The following SLC30A9 variants were observed in gnomAD, a reference collection of about 807,000 sequenced individuals.
SLC30A9 encodes proton-coupled zinc antiporter SLC30A9, mitochondrial.
In SLC30A9, 58 loss-of-function variants were observed where a neutral mutation model predicts 87.5. The ratio of observed to expected loss-of-function variants is 0.66; its 90% confidence interval spans 0.54 to 0.82. SLC30A9 has a LOEUF of 0.82. Ranked by LOEUF, SLC30A9 falls within the 40% of genes least tolerant of loss-of-function variation. SLC30A9 has a pLI of 0.00. For synonymous variants in SLC30A9, 234 were observed against 233.0 expected (o/e 1.00, Z -0.04); for missense variants, 557 against 679.1 (o/e 0.82, Z 2.00).
At chr4:42,053,134 A>C (rs1717452069) in intron 9 of SLC30A9, among the ~76,000 whole-genome samples, 1 of 152,216 alleles carries the variant, frequency 6.6e-6, no homozygotes, top group African/African-American at 2.4e-5. Flanking sequence ...ACCGTTAATG[A>C]TCAGGAAATG....
chr4:42,041,942 G>C (rs1027201197), intron 8 of SLC30A9, among the ~76,000 whole-genome samples: 3 of 152,160 alleles, frequency 2.0e-5, no homozygotes, highest in Non-Finnish European at 4.4e-5. Context: ...TGCCTCACCG[G>C]GGTAGTGCAA....
chr4:42,083,283 T>TA (rs1370137074), intron 17 of SLC30A9, among the ~76,000 whole-genome samples: 3 of 152,230 alleles, frequency 2.0e-5, no homozygotes, highest in Non-Finnish European at 2.9e-5. Flanking sequence ...AGTATTGGAA[T>TA]AAAATCCTCA....
chr4:42,071,088 A>T (rs866110563), intron 15 of SLC30A9, among the ~76,000 whole-genome samples: 26 of 152,092 alleles, frequency 1.7e-4, no homozygotes, highest in African/African-American at 4.8e-4. Context: ...TACCAAATTA[A>T]ATATAATTTA....
At chr4:42,031,362 G>A (rs1716429595) in intron 6 of SLC30A9, among the ~76,000 whole-genome samples, 1 of 152,022 alleles carries the variant, frequency 6.6e-6, no homozygotes, top group South Asian at 2.1e-4. Flanking sequence ...CAAGTGCAGA[G>A]GAAATTTACA....
At chr4:41,992,875 A>C (rs2153131812) in intron 1 of SLC30A9, among the ~76,000 whole-genome samples, 1 of 152,276 alleles carries the variant, frequency 6.6e-6, no homozygotes, top group Admixed American at 6.5e-5. Context: ...CTTTTGGAGA[A>C]AGAAAATCTA....
At chr4:42,062,922 G>A (rs1717921605) in intron 10 of SLC30A9, 64 bp from the exon 11 acceptor site, 2 of 1,379,934 alleles carry the variant, frequency 1.4e-6, no homozygotes, top group Non-Finnish European at 2.0e-6. Context: ...GACCTATTAA[G>A]CACATATATT....
chr4:42,044,386 C>CAAAAAAAAAAA (rs57572080), intron 8 of SLC30A9, among the ~76,000 whole-genome samples: 22 of 98,708 alleles, frequency 2.2e-4, no homozygotes, highest in African/African-American at 9.2e-4. Context: ...AAATGGAAAG[C>CAAAAAAAAAAA]AAAAAAAAAA....
chr4:41,993,199 T>G (rs1189274698), intron 1 of SLC30A9, among the ~76,000 whole-genome samples: 1 of 150,538 alleles, frequency 6.6e-6, no homozygotes, highest in Non-Finnish European at 1.5e-5. Context: ...TATATAAAAT[T>G]TAATACTATT....
At chr4:42,037,931 C>T (rs942413080) in intron 7 of SLC30A9, among the ~76,000 whole-genome samples, 4 of 152,042 alleles carry the variant, frequency 2.6e-5, no homozygotes, top group African/African-American at 4.8e-5. Context: ...CTACCACAGC[C>T]GGCTGATTTT....
Position 42,020,423 on chromosome 4 carries a change from A to C in SLC30A9, c.342A>C (p.Ala114=), listed in dbSNP as rs1485209598. ...KQEPLQVRVK[A]VLKKREYGSK... ...TTCCTGTTTTTTGTTTAGTTAAAGC[A>C]GTCCTTAAGAAAAGGGAGTATGGCT... The change falls in exon 4 of 18, where the codon GCA becomes GCC. Residue 114 remains alanine, a synonymous_variant. Coordinates refer to ENST00000264451, the MANE Select transcript of SLC30A9 (RefSeq NM_006345.4). The C allele has an allele frequency of 6.7e-7, 1 of 1,495,152 alleles. No homozygotes were observed. Among genetic ancestry groups the C allele is most frequent in the East Asian group, 2.3e-5 (1 of 43,290 alleles). 92.6% of individuals were successfully genotyped at this position (1,495,152 alleles called of 1,614,324 possible). A position where few individuals can be genotyped will look rare whatever the true frequency, so the allele number is the denominator to read the frequency against.
At chr4:42,027,961 A>G (rs1238475915) in intron 6 of SLC30A9, among the ~76,000 whole-genome samples, 1 of 152,220 alleles carries the variant, frequency 6.6e-6, no homozygotes, top group East Asian at 1.9e-4. Context: ...GTAGTCAATT[A>G]AAAAGCAAGG....
chr4:42,017,375 GT>G (rs61558035), intron 2 of SLC30A9, among the ~76,000 whole-genome samples: 6,987 of 138,552 alleles, frequency 0.05, 499 homozygotes, highest in African/African-American at 0.17. Context: ...TTTTTTCTCT[GT>G]TTTTTTTTTT....
chr4:42,055,365 A>C (rs1313835061), intron 9 of SLC30A9, among the ~76,000 whole-genome samples: 3 of 145,914 alleles, frequency 2.1e-5, no homozygotes, highest in Non-Finnish European at 4.5e-5. Flanking sequence ...TGTGTCTCTA[A>C]TTATAATGTA....
At chr4:42,026,327 A>G (rs1716189341) in intron 6 of SLC30A9, among the ~76,000 whole-genome samples, 1 of 152,296 alleles carries the variant, frequency 6.6e-6, no homozygotes, top group East Asian at 1.9e-4. Flanking sequence ...GGCATATTCC[A>G]TTGGGGAATT....
At chr4:42,001,902 G>A in intron 2 of SLC30A9, 122 bp downstream of exon 2, 1 of 605,042 alleles carries the variant, frequency 1.7e-6, no homozygotes, top group Non-Finnish European at 2.8e-6. Flanking sequence ...TGTTTTCTTT[G>A]TGGGAACTAT....
intron 2 of SLC30A9, among the ~76,000 whole-genome samples, chr4:42,011,484 T>TTCAAACTGGCAATATGAGA (rs1715440947): frequency 6.6e-6 from 1 of 152,108 alleles, no homozygotes; most frequent in African/African-American, 2.4e-5. Flanking sequence ...GGGAAGGAAT[T>TTCAAACTGGCAATATGAGA]TCAAACTGGC....
chr4:42,020,257 A>G (rs1411063332), intron 3 of SLC30A9, among the ~76,000 whole-genome samples, 159 bp from the exon 4 acceptor site: 3 of 152,222 alleles, frequency 2.0e-5, no homozygotes, highest in East Asian at 1.9e-4. Flanking sequence ...ATTTCATCCT[A>G]TTCTGCACTT....
chr4:42,045,643 G>T (rs1190767310), intron 8 of SLC30A9, among the ~76,000 whole-genome samples: 1 of 150,120 alleles, frequency 6.7e-6, no homozygotes, highest in East Asian at 2.0e-4. Flanking sequence ...TACCAGAGGT[G>T]CAAAGAGGAG....
intron 8 of SLC30A9, among the ~76,000 whole-genome samples, chr4:42,041,255 C>G (rs1232121670): frequency 1.3e-5 from 2 of 152,058 alleles, no homozygotes; most frequent in African/African-American, 4.8e-5. Flanking sequence ...CAAACCATAT[C>G]AAGGAGTGTC....
Sources: gnomAD v4.1 joint callset for allele counts (sites outside exome capture counted in the v4.1 genomes callset) on GRCh38, gnomAD v4.1.1 for gene constraint, MANE v1.5 for transcripts, NCBI Gene and HGNC (gene_info 2026-07-23, HGNC 2026-07-21) for gene names.